Variants in RP1 observed in about 807,000 individuals in gnomAD.
RP1 encodes oxygen-regulated protein 1.
A neutral mutation model predicts 14.8 loss-of-function variants in RP1; 16 were observed. That is an observed-to-expected ratio of 1.08 (90% CI 0.73 to 1.65). RP1 has a LOEUF of 1.65. Among genes scored for constraint, RP1 ranks in the 40% most tolerant of loss-of-function variants. The pLI is 0.00. For missense variants in RP1, 2,631 were observed against 2,535.0 expected (o/e 1.04, Z -0.81); for synonymous variants, 876 against 883.6 (o/e 0.99, Z 0.15).
At chr8:54,693,376 G>A (rs551606168) in intron 12 of RP1, among the ~76,000 whole-genome samples, 1 of 152,232 alleles carries the variant, frequency 6.6e-6, no homozygotes, top group South Asian at 2.1e-4. Context: ...TAGCTTGATG[G>A]GGATGGCCTT....
At chr8:54,711,488 C>G (rs1225453502) in intron 15 of RP1, among the ~76,000 whole-genome samples, 1 of 152,180 alleles carries the variant, frequency 6.6e-6, no homozygotes, top group African/African-American at 2.4e-5. Flanking sequence ...GTGGTGAATT[C>G]CCTGATACTA....
intron 23 of RP1, among the ~76,000 whole-genome samples, chr8:54,778,260 C>T (rs1027502253): frequency 4.6e-5 from 7 of 150,992 alleles, no homozygotes; most frequent in Non-Finnish European, 1.0e-4. Flanking sequence ...CCAGTATAGG[C>T]ATGAGAGGGA....
At chr8:54,564,429 A>G (rs1804355226) in intron 1 of RP1, among the ~76,000 whole-genome samples, 1 of 152,170 alleles carries the variant, frequency 6.6e-6, no homozygotes, top group African/African-American at 2.4e-5. Context: ...TCCTCTGGAT[A>G]AAACACAGAA....
chr8:54,747,126 C>G (rs1188711081), intron 19 of RP1, among the ~76,000 whole-genome samples: 1 of 151,914 alleles, frequency 6.6e-6, no homozygotes, highest in East Asian at 1.9e-4. Context: ...ATTTTTTTCT[C>G]TTCTCTCTGC....
intron 19 of RP1, among the ~76,000 whole-genome samples, chr8:54,746,629 A>G (rs1198865092): frequency 1.3e-5 from 2 of 152,228 alleles, no homozygotes; most frequent in Non-Finnish European, 2.9e-5. Context: ...GCTGTTAAAT[A>G]AAACTAATAA....
chr8:54,611,887 C>CCCTTCCTT (rs370167305), upstream of RP1, among the ~76,000 whole-genome samples: 48 of 132,358 alleles, frequency 3.6e-4, no homozygotes, highest in African/African-American at 1.2e-3. Flanking sequence ...CTCCCTCTCT[C>CCCTTCCTT]CCTTCCTTCC....
intron 1 of RP1, among the ~76,000 whole-genome samples, chr8:54,582,186 G>A (rs1482765587): frequency 6.6e-6 from 1 of 151,924 alleles, no homozygotes; most frequent in Non-Finnish European, 1.5e-5. Context: ...TGTATAAGGT[G>A]TAAGGAAGGG....
At chr8:54,655,970 T>G (rs1258714817) in intron 5 of RP1, 9 of 666,858 alleles carry the variant, frequency 1.3e-5, no homozygotes, top group Non-Finnish European at 1.8e-5. Flanking sequence ...TATCAACAGT[T>G]TCTCATATTA....
At chr8:54,667,413 C>G (rs1807043596) in intron 7 of RP1, among the ~76,000 whole-genome samples, 1 of 152,120 alleles carries the variant, frequency 6.6e-6, no homozygotes, top group African/African-American at 2.4e-5. Context: ...GTTTGGAAGC[C>G]TGGAAAAACA....
At chr8:54,645,969 G>T (rs1440510807) in intron 3 of RP1, among the ~76,000 whole-genome samples, 1 of 151,998 alleles carries the variant, frequency 6.6e-6, no homozygotes, top group Non-Finnish European at 1.5e-5. Context: ...GAAAAAAGGA[G>T]CTGTTTGTCC....
intron 24 of RP1, among the ~76,000 whole-genome samples, chr8:54,829,520 A>G (rs1811470389): frequency 6.6e-6 from 1 of 152,174 alleles, no homozygotes; most frequent in South Asian, 2.1e-4. Flanking sequence ...TTTGGAGGAG[A>G]CAGAACATGG....
At chr8:54,698,062 G>A (rs1231402121) in intron 12 of RP1, among the ~76,000 whole-genome samples, 1 of 152,194 alleles carries the variant, frequency 6.6e-6, no homozygotes, top group Non-Finnish European at 1.5e-5. Flanking sequence ...CAGCTAAAGA[G>A]CTTCTGCACA....
At chr8:54,638,825 G>C (rs1212993588) in intron 3 of RP1, among the ~76,000 whole-genome samples, 1 of 149,836 alleles carries the variant, frequency 6.7e-6, no homozygotes, top group Non-Finnish European at 1.5e-5. Context: ...TTTCTATTAT[G>C]AATATTACCT....
intron 24 of RP1, among the ~76,000 whole-genome samples, chr8:54,811,800 G>T (rs1350574037): frequency 1.3e-5 from 2 of 152,144 alleles, no homozygotes; most frequent in Non-Finnish European, 2.9e-5. Flanking sequence ...ACATTTTGAT[G>T]CTTTTCATTG....
chr8:54,652,860 C>A lies in RP1; in HGVS notation c.1032C>A (p.Cys344Ter). Residue 344 changes from cysteine to a stop codon, truncating the protein, a stop_gained, in exon 5 of 23, where the codon TGC becomes TGA. Coordinates refer to the RP1 transcript ENST00000636932. LOFTEE classifies it high-confidence loss of function. ...CTGGATCCTCCCCTTCCTGGCACTG[C>A]AAGGAGGTAAGGATATATCAACACT... is the stretch of plus-strand genomic sequence containing the variant. 1.3e-6 allele frequency: 2 copies of A among 1,534,320 alleles called. No individual in the cohort carries two copies. The highest frequency in any genetic ancestry group is 1.7e-6 in the Non-Finnish European group (2 of 1,145,336).
chr8:54,863,858 A>G (rs988220416), intron 27 of RP1, among the ~76,000 whole-genome samples: 3 of 152,166 alleles, frequency 2.0e-5, no homozygotes, highest in Non-Finnish European at 4.4e-5. Context: ...CTCATCAGCA[A>G]CCAGTCACAT....
exon 4 of RP1, chr8:54,649,060 T>C (rs1176023825): frequency 1.3e-6 from 2 of 1,532,654 alleles, no homozygotes; most frequent in Admixed American, 4.0e-5. Flanking sequence ...TATATTATTC[T>C]GTATGGACAA....
At chr8:54,810,276 G>C (rs954259555) in intron 24 of RP1, among the ~76,000 whole-genome samples, 1 of 152,178 alleles carries the variant, frequency 6.6e-6, no homozygotes. Flanking sequence ...TCAGGTGGCT[G>C]TTTTGATCCC....
intron 17 of RP1, among the ~76,000 whole-genome samples, chr8:54,731,559 A>G (rs1808794527): frequency 6.6e-6 from 1 of 152,186 alleles, no homozygotes; most frequent in Non-Finnish European, 1.5e-5. Context: ...TGATAACAGT[A>G]CAAACTTTAA....
Sources: allele counts gnomAD v4.1 joint callset (sites outside exome capture counted in the v4.1 genomes callset), GRCh38; gene constraint gnomAD v4.1.1; transcripts MANE v1.5; gene names NCBI Gene and HGNC (gene_info 2026-07-23, HGNC 2026-07-21).